Variants in MAP3K10 observed in about 807,000 individuals in gnomAD.
The protein encoded by MAP3K10 is MKN28 derived nonreceptor_type serine/threonine kinase.
MAP3K10 carries 22 observed loss-of-function variants against 75.0 expected under a neutral mutation model. The ratio of observed to expected loss-of-function variants is 0.29; its 90% CI spans 0.21 to 0.42. The LOEUF (loss-of-function observed/expected upper bound fraction) is 0.42, where lower values mean the gene tolerates loss of function less well. Among genes scored for constraint, MAP3K10 ranks in the 10% least tolerant of loss-of-function variants. The pLI, the probability that MAP3K10 is intolerant of heterozygous loss-of-function variation, is 1.00. For synonymous variants in MAP3K10, 599 were observed against 612.9 expected (o/e 0.98, Z 0.34); for missense variants, 1,165 against 1,379.8 (o/e 0.84, Z 2.47).
In MAP3K10 at chr19:40,205,994, G is replaced by C. The variant is rs761641528; in HGVS notation, c.1272G>C (p.Gln424His). 1 of 1,612,138 alleles carries C rather than the reference G, an allele frequency of 6.2e-7. No individual in the cohort carries two copies. The highest frequency in any genetic ancestry group is 8.5e-7 in the Non-Finnish European group (1 of 1,179,108). The stretch of plus-strand genomic sequence containing the variant: ...AGGAGCAGCTGCGGCGGCGGGAGCA[G>C]GAGCTGGCAGAACGTGAGATGGACA... ...FQEEQLRRRE[Q>H]ELAEREMDIV... Residue 424 changes from glutamine to histidine, a missense_variant, in exon 5 of 10, where the codon CAG becomes CAC. By Grantham distance (24) the Gln-to-His change is conservative (BLOSUM62 0). Coordinates refer to ENST00000253055, the MANE Select transcript of MAP3K10 (RefSeq NM_002446.4). This position sits in a 1 kb window ranked among gnomAD's most constrained non-coding sequence, Gnocchi z 4.3.
chr19:40,197,123 G>T (rs971147088), intron 1 of MAP3K10, among the ~76,000 whole-genome samples: 1 of 152,172 alleles, frequency 6.6e-6, no homozygotes, highest in Non-Finnish European at 1.5e-5. Flanking sequence ...GCTGGGCTCA[G>T]CTGGAGAGGC....
At chr19:40,197,128 A>T (rs981162689) in intron 1 of MAP3K10, among the ~76,000 whole-genome samples, 1 of 152,142 alleles carries the variant, frequency 6.6e-6, no homozygotes, top group Admixed American at 6.6e-5. Flanking sequence ...GCTCAGCTGG[A>T]GAGGCTTTGC....
rs558754842 is a variant in MAP3K10, at chr19:40,192,508, C to T, written c.477C>T (p.Ala159=). 5.6e-6 allele frequency: 9 copies of T among 1,613,674 alleles called. No individual in the cohort carries two copies. Among genetic ancestry groups the T allele is most frequent in the South Asian group, 5.5e-5 (5 of 91,080 alleles). The change falls in exon 1 of 10, where the codon GCC becomes GCT. Residue 159 remains alanine (A), a synonymous_variant. Coordinates refer to ENST00000253055, the MANE Select transcript of MAP3K10 (RefSeq NM_002446.4). The surrounding 1 kb of genome is among the most constrained non-coding windows in gnomAD (Gnocchi z 7.1). The part of the protein sequence containing the change: ...FGALQHPNII[A]LRGACLNPPH... The stretch of plus-strand genomic sequence containing the variant: ...CCCTGCAGCACCCCAACATAATTGC[C>T]CTTAGGGGCGCCTGCCTCAACCCCC...
At chr19:40,207,048 G>A (rs1568491510) in intron 5 of MAP3K10, among the ~76,000 whole-genome samples, 2 of 152,130 alleles carry the variant, frequency 1.3e-5, no homozygotes, top group African/African-American at 2.4e-5. Flanking sequence ...GCAGTGAGCC[G>A]AGATTGTGCC....
Position 40,198,561 on chromosome 19 carries a change from G to A in MAP3K10, c.863+6G>A. On this transcript the variant is annotated splice_donor_region_variant and intron_variant, in intron 2 of 9. Transcript: ENST00000253055. The surrounding 1 kb of genome is among the most constrained non-coding windows in gnomAD (Gnocchi z 4.3). Reference sequence around the variant, plus strand: ...AAAAGCAGTGATGTCTGGAGGTGCTGAAAGGCGCGGCCGGGATGGCCTCTG... The same window carrying A: ...AAAAGCAGTGATGTCTGGAGGTGCTAAAAGGCGCGGCCGGGATGGCCTCTG... The A allele has an allele frequency of 1.2e-6, 2 of 1,605,072 alleles. No individual in the cohort carries two copies. The highest frequency in any genetic ancestry group is 1.7e-6 in the Non-Finnish European group (2 of 1,173,570).
intron 6 of MAP3K10, among the ~76,000 whole-genome samples, chr19:40,210,590 A>T (rs768850545): frequency 6.6e-6 from 1 of 151,882 alleles, no homozygotes; most frequent in African/African-American, 2.4e-5. Flanking sequence ...AATCCCAGCT[A>T]CTCGGGAGAC....
At position 40,214,188 on chromosome 19, in the gene MAP3K10, C is replaced by T. The variant is rs765016024; in HGVS notation, c.2509C>T (p.Arg837Trp). The T allele has an allele frequency of 2.2e-5, 32 of 1,454,142 alleles. No homozygotes were observed. The highest frequency in any genetic ancestry group is 5.5e-5 in the Admixed American group (2 of 36,512). 90.1% of individuals were successfully genotyped at this position (1,454,142 alleles called of 1,614,324 possible). A position where few individuals can be genotyped will look rare whatever the true frequency, so the allele number is the denominator to read the frequency against. The change falls in exon 9 of 10, where the codon CGG becomes TGG. Residue 837 changes from arginine (R) to tryptophan (W), a missense_variant. Around this residue, in one of 2 missense-constraint regions of MAP3K10, gnomAD observed 590 missense variants for 586.6 expected, o/e 1.01. Coordinates refer to ENST00000253055, the MANE Select transcript of MAP3K10 (RefSeq NM_002446.4). Reference protein sequence around the residue: ...RTPSDGALGQRGPPEPAGHGP... With the variant: ...RTPSDGALGQWGPPEPAGHGP... ...GCCATCGGACGGGGCGCTGGGGCAG[C>T]GGGGGCCGCCCGAGCCCGCGGGCCA...
rs1973120458 is a variant in MAP3K10 at position 40,206,282 on chromosome 19, G to A, written c.1435+125G>A. ...GCTAAATATATCGCACATAGTCAGT[G>A]ATCAGCCCAGTGCAGTGGCGAGCAC... is the stretch of plus-strand genomic sequence containing the variant. On this transcript the variant is annotated intron_variant, in intron 5 of 9. Transcript: ENST00000253055. 6 of 1,224,506 alleles carry A rather than the reference G, an allele frequency of 4.9e-6. No homozygotes were observed. The Admixed American group carries it at 8.4e-5, about 17-fold the overall frequency. The allele number at this position is 1,224,506 out of a possible 1,614,324, so 75.9% of individuals were successfully genotyped here.
rs770139611 is a variant in MAP3K10 at position 40,192,231 on chromosome 19, G to T, written c.200G>T (p.Arg67Leu). The change falls in exon 1 of 10, where the codon CGC becomes CTC. Residue 67 changes from arginine (R) to leucine (L), a missense_variant. Around this residue, in one of 2 missense-constraint regions of MAP3K10, gnomAD observed 575 missense variants for 793.2 expected, o/e 0.72. Coordinates refer to ENST00000253055, the MANE Select transcript of MAP3K10 (RefSeq NM_002446.4). This position sits in a 1 kb window ranked among gnomAD's most constrained non-coding sequence, Gnocchi z 7.1. The stretch of plus-strand genomic sequence containing the variant: ...TGGACCGGGCAGCTCCCCAGCGGCC[G>T]CGTGGGCGTCTTCCCCAGCAACTAC... ...GWWTGQLPSGRVGVFPSNYVA... is the reference protein window; with the variant it reads ...GWWTGQLPSGLVGVFPSNYVA... The T allele has an allele frequency of 1.1e-5, 18 of 1,604,544 alleles. No individual in the cohort carries two copies. The highest frequency in any genetic ancestry group is 2.2e-5 in the East Asian group (1 of 44,678).
rs557756313 is a variant in MAP3K10 at position 40,198,116 on chromosome 19, T to G, written c.683-259T>G. ...GTTGGTTCTTGACCATTCATGGAGC[T>G]CCCCAAAGCCCAGGACAGAATCAGG... On this transcript the variant is annotated intron_variant, in intron 1 of 9. Coordinates refer to ENST00000253055, the MANE Select transcript of MAP3K10 (RefSeq NM_002446.4). The surrounding 1 kb of genome is among the most constrained non-coding windows in gnomAD (Gnocchi z 4.3). Among the ~76,000 whole-genome samples the G allele has an allele frequency of 1.3e-5, 2 of 152,170 alleles. No homozygotes were observed. Among genetic ancestry groups the G allele is most frequent in the South Asian group, 2.1e-4 (1 of 4,820 alleles).
chr19:40,213,941 C>A lies in MAP3K10; in HGVS notation c.2262C>A (p.Asp754Glu), dbSNP rs762171182. The change falls in exon 9 of 10, where the codon GAC becomes GAA. Residue 754 changes from aspartate to glutamate, a missense_variant. Asp to Glu is a conservative substitution (Grantham distance 45). This residue lies in a region of MAP3K10 where 590 missense variants were observed against 586.6 expected (regional missense o/e 1.01). Coordinates refer to ENST00000253055, the MANE Select transcript of MAP3K10 (RefSeq NM_002446.4). The surrounding 1 kb of genome is among the most constrained non-coding windows in gnomAD (Gnocchi z 5.7). ...ATLVSLSSVS[D>E]CNSTRSLLRS... ...TCGTGTCGCTGTCGTCCGTGTCCGACTGCAACTCCACGCGTTCACTGCTGC... is the reference window on the plus strand; with the variant it reads ...TCGTGTCGCTGTCGTCCGTGTCCGAATGCAACTCCACGCGTTCACTGCTGC... The A allele has an allele frequency of 6.5e-7, 1 of 1,531,278 alleles. No homozygotes were observed. The highest frequency in any genetic ancestry group is 1.2e-5 in the South Asian group (1 of 82,470). 94.9% of individuals were successfully genotyped at this position (1,531,278 alleles called of 1,614,324 possible).
In MAP3K10 at chr19:40,213,044, C is replaced by T. The variant is rs1973269816; in HGVS notation, c.1725-32C>T. 1 of 1,600,120 alleles carries T rather than the reference C, an allele frequency of 6.2e-7. No homozygotes were observed. Among genetic ancestry groups the T allele is most frequent in the South Asian group, 1.1e-5 (1 of 88,954 alleles). ...AGCTCCCAGGCTCCAGGCCACAGGA[C>T]TGAGGTCTCCATCTCTCCCTGGACC... On this transcript the variant is annotated intron_variant, in intron 7 of 9. Coordinates refer to ENST00000253055, the MANE Select transcript of MAP3K10 (RefSeq NM_002446.4). This position sits in a 1 kb window ranked among gnomAD's most constrained non-coding sequence, Gnocchi z 5.7.
At position 40,209,174 on chromosome 19, in the gene MAP3K10, C is replaced by T. The variant is rs777533137; in HGVS notation, c.1507C>T (p.Pro503Ser). 20 of 1,614,218 alleles carry T rather than the reference C, an allele frequency of 1.2e-5. No homozygotes were observed. In the East Asian group the frequency reaches 4.0e-4, roughly 32 times the overall value. ...GCGGAAAGGATCCGATGGGGCCAGC[C>T]CCCCTGCAAGCCCCAGCATCATCCC... ...DKRKGSDGAS[P>S]PASPSIIPRL... is the part of the protein sequence containing the mutation. The change falls in exon 6 of 10, where the codon CCC becomes TCC. Residue 503 changes from proline to serine, a missense_variant. Physicochemically the swap from Pro to Ser is moderately conservative, Grantham distance 74. This residue lies in a region of MAP3K10 where 575 missense variants were observed against 793.2 expected (regional missense o/e 0.72). Coordinates refer to ENST00000253055, the MANE Select transcript of MAP3K10 (RefSeq NM_002446.4).
Position 40,205,018 on chromosome 19 carries a change from G to A in MAP3K10, c.1013-103G>A. ...TCAGCTCCATAGCAGCTGTTTGTCT[G>A]CCATCCCCAGAAATTCTGCCTTCCT... is the stretch of plus-strand genomic sequence containing the variant. On this transcript the variant is annotated intron_variant, in intron 3 of 9. Coordinates refer to ENST00000253055, the MANE Select transcript of MAP3K10 (RefSeq NM_002446.4). The surrounding 1 kb of genome is among the most constrained non-coding windows in gnomAD (Gnocchi z 4.3). The A allele has an allele frequency of 9.5e-7, 1 of 1,054,190 alleles. No homozygotes were observed. The highest frequency in any genetic ancestry group is 1.4e-6 in the Non-Finnish European group (1 of 693,456). 65.3% of individuals were successfully genotyped at this position (1,054,190 alleles called of 1,614,324 possible). A position where few individuals can be genotyped will look rare whatever the true frequency, so the allele number is the denominator to read the frequency against.
rs1026704378 is a variant in MAP3K10 at position 40,198,238 on chromosome 19, G to C, written c.683-137G>C. The C allele has an allele frequency of 1.3e-6, 1 of 774,016 alleles. No homozygotes were observed. Among genetic ancestry groups the C allele is most frequent in the African/African-American group, 1.8e-5 (1 of 56,990 alleles). 47.9% of individuals were successfully genotyped at this position (774,016 alleles called of 1,614,324 possible). On this transcript the variant is annotated intron_variant, in intron 1 of 9. Coordinates refer to ENST00000253055, the MANE Select transcript of MAP3K10 (RefSeq NM_002446.4). This position sits in a 1 kb window ranked among gnomAD's most constrained non-coding sequence, Gnocchi z 4.3. Reference sequence around the variant, plus strand: ...GGGGCTCATGGATGTTCCAGGCCAGGAAAGGACCTGCCACAGAGCGGGGCA... The same window carrying C: ...GGGGCTCATGGATGTTCCAGGCCAGCAAAGGACCTGCCACAGAGCGGGGCA...
rs372908173 is a variant in MAP3K10 at position 40,213,195 on chromosome 19, G to A, written c.1837+7G>A. ...GCCAGCCTCAATGAGATGGGTAAGA[G>A]CCTGGGTTCTTGTAAGGGGGTGGGG... On this transcript the variant is annotated splice_region_variant and intron_variant, in intron 8 of 9. Coordinates refer to ENST00000253055, the MANE Select transcript of MAP3K10 (RefSeq NM_002446.4). The surrounding 1 kb of genome is among the most constrained non-coding windows in gnomAD (Gnocchi z 5.7). 1.3e-6 allele frequency: 2 copies of A among 1,563,684 alleles called. No individual in the cohort carries two copies. The highest frequency in any genetic ancestry group is 1.2e-5 in the South Asian group (1 of 84,620).
intron 1 of MAP3K10, among the ~76,000 whole-genome samples, chr19:40,193,997 T>C (rs1972861428): frequency 6.6e-6 from 1 of 152,152 alleles, no homozygotes; most frequent in African/African-American, 2.4e-5. Flanking sequence ...TCCCCACCCA[T>C]AGCAATTGTA....
At chr19:40,195,359 A>G (rs544062601) in intron 1 of MAP3K10, among the ~76,000 whole-genome samples, 3 of 151,986 alleles carry the variant, frequency 2.0e-5, no homozygotes, top group Non-Finnish European at 4.4e-5. Context: ...GTTTCGATAC[A>G]AACAGGAGAG....
intron 2 of MAP3K10, among the ~76,000 whole-genome samples, chr19:40,199,574 C>T (rs529548668): frequency 1.2e-4 from 18 of 152,250 alleles, no homozygotes; most frequent in African/African-American, 4.3e-4. Flanking sequence ...ATGTGGCTGC[C>T]ACTGTGCAGG....
Sources: allele counts gnomAD v4.1 joint callset (sites outside exome capture counted in the v4.1 genomes callset), GRCh38; gene constraint gnomAD v4.1.1; regional missense constraint gnomAD v4.1.1; non-coding constraint Gnocchi (gnomAD v3.1); transcripts MANE v1.5; gene names NCBI Gene and HGNC (gene_info 2026-07-23, HGNC 2026-07-21).